The following ABCB7 variants were observed in gnomAD, a reference collection of about 807,000 sequenced individuals.
ABCB7 encodes ATP binding cassette subfamily B member 7.
A neutral mutation model predicts 54.4 loss-of-function variants in ABCB7; 7 were observed. That is an observed-to-expected ratio of 0.13 (90% CI 0.07 to 0.24). The LOEUF (loss-of-function observed/expected upper bound fraction) is 0.24. Ranked by LOEUF, ABCB7 falls within the 10% of genes least tolerant of loss-of-function variation. The pLI is 1.00. For synonymous variants in ABCB7, 218 were observed against 207.1 expected, an observed-to-expected ratio of 1.05 and a Z score of -0.45; for missense variants, 356 against 570.4, an observed-to-expected ratio of 0.62 and a Z score of 3.83.
intron 15 of ABCB7, among the ~76,000 whole-genome samples, chrX:75,057,898 G>A (rs1478265549): frequency 9.0e-6 from 1 of 110,639 alleles, no homozygotes; most frequent in African/African-American, 3.3e-5. Context: ...GGCACAAGAG[G>A]GTCTGTGGTC....
chrX:75,152,282 G>T (rs1358718369), intron 1 of ABCB7, among the ~76,000 whole-genome samples: 1 of 111,741 alleles, frequency 8.9e-6, no homozygotes, highest in African/African-American at 3.3e-5. Context: ...AGGTGATTAG[G>T]ACTTGGAGAG....
At chrX:75,109,356 C>T (rs767266760) in intron 3 of ABCB7, among the ~76,000 whole-genome samples, 18 of 111,871 alleles carry the variant, frequency 1.6e-4, no homozygotes, top group African/African-American at 5.5e-4. Context: ...TTCTGTTTCT[C>T]AGGTAAGTAA....
At position 75,104,047 on chromosome X, in the gene ABCB7, G is replaced by GTTTTTTTTTTTTTTTTTTTTTTTTTT; in HGVS notation, c.334-5012_334-4987dup. ...AAATGGGCATCCCTGTCTTGTTACA[G>GTTTTTTTTTTTTTTTTTTTTTTTTTT]TTTTTTTTTTTTTTTTTTTTTTTTT... On this transcript the variant is annotated intron_variant, in intron 3 of 15. Coordinates refer to ENST00000373394, the MANE Select transcript of ABCB7 (RefSeq NM_001271696.3). Among the ~76,000 whole-genome samples the GTTTTTTTTTTTTTTTTTTTTTTTTTT allele has an allele frequency of 2.2e-3, 29 of 13,446 alleles. 10 individuals carry two copies. The highest frequency in any genetic ancestry group is 0.014 in the East Asian group (2 of 139). The allele number at this position is 13,446 out of a possible 115,157, so 11.7% of individuals were successfully genotyped here.
At chrX:75,100,617 C>G (rs1288679659) in intron 3 of ABCB7, among the ~76,000 whole-genome samples, 1 of 111,423 alleles carries the variant, frequency 9.0e-6, no homozygotes, top group Non-Finnish European at 1.9e-5. Context: ...AATGTCTTCC[C>G]CAGCCCATCA....
chrX:75,100,436 C>T (rs901390978), intron 3 of ABCB7, among the ~76,000 whole-genome samples: 2 of 111,106 alleles, frequency 1.8e-5, no homozygotes, highest in Admixed American at 1.9e-4. Flanking sequence ...TTAGGCCACA[C>T]TGCCTTTCTT....
chrX:75,123,014 G>C (rs2081894225), intron 1 of ABCB7, among the ~76,000 whole-genome samples: 1 of 110,718 alleles, frequency 9.0e-6, no homozygotes, highest in Non-Finnish European at 1.9e-5. Context: ...TTCCTTTGCT[G>C]TACAAAAGCT....
chrX:75,094,050 A>ATATATATATATCTATC (rs1314153062), intron 4 of ABCB7, among the ~76,000 whole-genome samples: 15 of 20,485 alleles, frequency 7.3e-4, no homozygotes, highest in South Asian at 2.4e-3. Flanking sequence ...ATATATATAT[A>ATATATATATATCTATC]TATCTATCTT....
At chrX:75,068,940 G>C in intron 12 of ABCB7, 67 bp downstream of exon 12, 1 of 1,111,857 alleles carries the variant, frequency 9.0e-7, no homozygotes, top group Non-Finnish European at 1.2e-6. Context: ...GATTCAAACT[G>C]TTCTAGTTAC....
chrX:75,098,933 A>C lies in ABCB7; in HGVS notation c.453+9T>G. The stretch of plus-strand genomic sequence containing the variant: ...AGTTAGAGCAACCAAACAATGCATA[A>C]TTTCTTACCTTTGCACCACCCAAAA... On this transcript the variant is annotated intron_variant, in intron 4 of 15. Coordinates refer to ENST00000373394, the MANE Select transcript of ABCB7 (RefSeq NM_001271696.3). The C allele has an allele frequency of 8.3e-7, 1 of 1,211,349 alleles. No homozygotes were observed.
At chrX:75,071,765 T>C in intron 8 of ABCB7, 82 bp from the exon 9 acceptor site, 1 of 687,451 alleles carries the variant, frequency 1.5e-6, no homozygotes, top group South Asian at 3.0e-5. Flanking sequence ...TTCATCAGAC[T>C]TCATGTATGA....
chrX:75,108,161 G>C (rs745684453), intron 3 of ABCB7, among the ~76,000 whole-genome samples: 1 of 111,295 alleles, frequency 9.0e-6, no homozygotes, highest in African/African-American at 3.3e-5. Context: ...TGTGGTATGA[G>C]TGCCGGCTCA....
intron 1 of ABCB7, among the ~76,000 whole-genome samples, chrX:75,147,038 T>C (rs2082096255): frequency 9.2e-6 from 1 of 108,878 alleles, no homozygotes; most frequent in East Asian, 2.9e-4. Flanking sequence ...AAGACATACA[T>C]GCAGCCAACA....
intron 14 of ABCB7, 97 bp from the exon 15 acceptor site, chrX:75,060,427 T>TA (rs968953459): frequency 1.8e-5 from 12 of 683,641 alleles, no homozygotes; most frequent in Middle Eastern, 3.1e-4. Flanking sequence ...TAAAGGAACA[T>TA]AAAAAATGCC....
chrX:75,122,649 G>A (rs1364690804), intron 1 of ABCB7, among the ~76,000 whole-genome samples: 1 of 112,021 alleles, frequency 8.9e-6, no homozygotes, highest in Non-Finnish European at 1.9e-5. Flanking sequence ...GTGTACAAGG[G>A]TTTCCTTTTC....
At chrX:75,072,353 C>T (rs1023544494) in intron 8 of ABCB7, among the ~76,000 whole-genome samples, 10 of 111,400 alleles carry the variant, frequency 9.0e-5, no homozygotes, top group African/African-American at 3.3e-4. Flanking sequence ...GAAATGCATA[C>T]TTTAGGTAAT....
chrX:75,104,084 T>G (rs1188486276), intron 3 of ABCB7, among the ~76,000 whole-genome samples: 1 of 74,398 alleles, frequency 1.3e-5, no homozygotes, highest in African/African-American at 4.4e-5. Flanking sequence ...TTTTTTTTTT[T>G]TGTGGAAAGG....
chrX:75,086,579 C>A (rs945172663), intron 4 of ABCB7, among the ~76,000 whole-genome samples: 1 of 111,543 alleles, frequency 9.0e-6, no homozygotes, highest in African/African-American at 3.3e-5. Flanking sequence ...CCAAGAAGTG[C>A]CCAATATATC....
intron 1 of ABCB7, among the ~76,000 whole-genome samples, chrX:75,118,683 A>G (rs186805529): frequency 1.6e-4 from 18 of 111,695 alleles, no homozygotes; most frequent in African/African-American, 5.5e-4. Context: ...TTGGTGTGTA[A>G]TAACTATATA....
chrX:75,142,025 A>G (rs2082057773), intron 1 of ABCB7, among the ~76,000 whole-genome samples: 1 of 111,890 alleles, frequency 8.9e-6, no homozygotes, highest in East Asian at 2.8e-4. Context: ...TGGTATAAAT[A>G]AATTAATGAT....
Sources: allele counts gnomAD v4.1 joint callset (sites outside exome capture counted in the v4.1 genomes callset), GRCh38; gene constraint gnomAD v4.1.1; transcripts MANE v1.5; gene names NCBI Gene and HGNC (gene_info 2026-07-23, HGNC 2026-07-21).